Variants in KCND2 observed in about 807,000 individuals in gnomAD.
KCND2 encodes the protein A-type voltage-gated potassium channel KCND2.
KCND2 carries 16 observed loss-of-function variants against 54.4 expected under a neutral mutation model. The ratio of observed to expected loss-of-function variants is 0.29; its 90% CI spans 0.20 to 0.45. KCND2 has a LOEUF of 0.45. Among genes scored for constraint, KCND2 ranks in the 20% least tolerant of loss-of-function variants. The pLI, the probability that KCND2 is intolerant of heterozygous loss-of-function variation, is 1.00. For synonymous variants in KCND2, 317 were observed against 310.7 expected (o/e 1.02, Z -0.21); for missense variants, 486 against 824.2 (o/e 0.59, Z 5.02).
At chr7:120,556,559 T>C (rs1263895867) in intron 1 of KCND2, among the ~76,000 whole-genome samples, 1 of 152,198 alleles carries the variant, frequency 6.6e-6, no homozygotes, top group East Asian at 1.9e-4. Flanking sequence ...CTTTTATCCC[T>C]ATTTCAAAGT....
intron 1 of KCND2, among the ~76,000 whole-genome samples, chr7:120,399,838 G>A (rs1434037325): frequency 2.0e-5 from 3 of 151,688 alleles, no homozygotes; most frequent in African/African-American, 7.3e-5. Flanking sequence ...CAATTCTCCT[G>A]CCTCAGCCTC....
At chr7:120,544,705 G>T (rs568609046) in intron 1 of KCND2, among the ~76,000 whole-genome samples, 1 of 151,844 alleles carries the variant, frequency 6.6e-6, no homozygotes, top group Non-Finnish European at 1.5e-5. Context: ...TTTGATCTTG[G>T]TAATAATTTC....
chr7:120,497,281 G>A (rs1386355518), intron 1 of KCND2, among the ~76,000 whole-genome samples: 2 of 152,036 alleles, frequency 1.3e-5, no homozygotes, highest in Admixed American at 6.6e-5. Context: ...TTCATTTGAT[G>A]TACATTTTAA....
chr7:120,705,332 G>T (rs1275683998), intron 1 of KCND2, among the ~76,000 whole-genome samples: 3 of 152,144 alleles, frequency 2.0e-5, no homozygotes, highest in Non-Finnish European at 4.4e-5. Flanking sequence ...TCAATATGAT[G>T]TATAAAATTC....
At chr7:120,437,734 T>C (rs1011903137) in intron 1 of KCND2, among the ~76,000 whole-genome samples, 13 of 152,208 alleles carry the variant, frequency 8.5e-5, no homozygotes, top group African/African-American at 2.7e-4. Context: ...CTGACTGATA[T>C]AGAATATATG....
At chr7:120,689,004 A>G (rs1439029460) in intron 1 of KCND2, among the ~76,000 whole-genome samples, 1 of 152,122 alleles carries the variant, frequency 6.6e-6, no homozygotes, top group Non-Finnish European at 1.5e-5. Flanking sequence ...CCACATACTC[A>G]ATTCTCTCTT....
chr7:120,409,121 A>G (rs1313739525), intron 1 of KCND2, among the ~76,000 whole-genome samples: 1 of 151,970 alleles, frequency 6.6e-6, no homozygotes, highest in Non-Finnish European at 1.5e-5. Context: ...CCAATTTGGA[A>G]AACAGAATGC....
At chr7:120,499,480 A>G (rs540511472) in intron 1 of KCND2, among the ~76,000 whole-genome samples, 1 of 152,296 alleles carries the variant, frequency 6.6e-6, no homozygotes, top group African/African-American at 2.4e-5. Context: ...GATTTCTGCA[A>G]AGTACATTAA....
At chr7:120,327,691 A>T (rs954140144) in intron 1 of KCND2, among the ~76,000 whole-genome samples, 1 of 152,060 alleles carries the variant, frequency 6.6e-6, no homozygotes, top group African/African-American at 2.4e-5. Context: ...ATGCAAACTC[A>T]GATCTTTGAA....
At chr7:120,499,827 A>G (rs1229875294) in intron 1 of KCND2, among the ~76,000 whole-genome samples, 1 of 152,060 alleles carries the variant, frequency 6.6e-6, no homozygotes, top group Non-Finnish European at 1.5e-5. Context: ...ATAGCACAAA[A>G]ATGTTTTTTT....
At chr7:120,717,506 T>C (rs1283406841) in intron 1 of KCND2, among the ~76,000 whole-genome samples, 1 of 152,102 alleles carries the variant, frequency 6.6e-6, no homozygotes, top group Non-Finnish European at 1.5e-5. Flanking sequence ...AGCAAAACAG[T>C]AGATAAGAGA....
At chr7:120,609,508 G>A (rs1330437266) in intron 1 of KCND2, among the ~76,000 whole-genome samples, 2 of 152,064 alleles carry the variant, frequency 1.3e-5, no homozygotes, top group African/African-American at 2.4e-5. Flanking sequence ...ATGTCTTGAC[G>A]TCATCCACTA....
intron 1 of KCND2, among the ~76,000 whole-genome samples, chr7:120,593,451 ATCAAAAATAAAC>A (rs1792695980): frequency 1.3e-5 from 2 of 152,132 alleles, no homozygotes; most frequent in South Asian, 4.1e-4. Flanking sequence ...ACAGAATCCT[ATCAAAAATAAAC>A]TTCCTGTCCC....
At chr7:120,529,627 A>C (rs1466625848) in intron 1 of KCND2, among the ~76,000 whole-genome samples, 1 of 152,144 alleles carries the variant, frequency 6.6e-6, no homozygotes, top group Admixed American at 6.6e-5. Context: ...TCAGTTGTTA[A>C]CTGAAGTTGA....
chr7:120,502,206 T>G (rs1277535507), intron 1 of KCND2, among the ~76,000 whole-genome samples: 2 of 152,026 alleles, frequency 1.3e-5, no homozygotes, highest in Non-Finnish European at 2.9e-5. Flanking sequence ...TTTATTTTTT[T>G]TTTCCTTCCC....
chr7:120,698,565 G>A (rs1435315869), intron 1 of KCND2, among the ~76,000 whole-genome samples: 3 of 152,154 alleles, frequency 2.0e-5, no homozygotes, highest in Non-Finnish European at 4.4e-5. Flanking sequence ...ATTACTATGA[G>A]CTATAAGCTA....
chr7:120,695,092 C>G (rs1792317335), intron 1 of KCND2, among the ~76,000 whole-genome samples: 2 of 152,076 alleles, frequency 1.3e-5, no homozygotes, highest in Admixed American at 1.3e-4. Flanking sequence ...TAGTTCTTAT[C>G]TCATTACTGA....
intron 1 of KCND2, among the ~76,000 whole-genome samples, chr7:120,573,327 C>T (rs910625174): frequency 6.6e-6 from 1 of 152,118 alleles, no homozygotes; most frequent in South Asian, 2.1e-4. Context: ...AATACATATT[C>T]AAAATAGCAG....
At position 120,671,994 on chromosome 7, in the gene KCND2, C is replaced by T. The variant is rs1024301975; in HGVS notation, c.1116-60909C>T. ...TAAATTTATCTGCATCTAAGCCTCTCATGGTCTTCCTGTCTTCAAAGAGCA... is the reference window on the plus strand; with the variant it reads ...TAAATTTATCTGCATCTAAGCCTCTTATGGTCTTCCTGTCTTCAAAGAGCA... On this transcript the variant is annotated intron_variant, in intron 1 of 5. Coordinates refer to ENST00000331113, the MANE Select transcript of KCND2 (RefSeq NM_012281.3). Among the ~76,000 whole-genome samples the T allele has an allele frequency of 2.2e-4, 34 of 152,194 alleles. 1 individual carries two copies. The highest frequency in any genetic ancestry group is 7.9e-4 in the African/African-American group (33 of 41,552).
Sources: allele counts gnomAD v4.1 joint callset (sites outside exome capture counted in the v4.1 genomes callset), GRCh38; gene constraint gnomAD v4.1.1; transcripts MANE v1.5; gene names NCBI Gene and HGNC (gene_info 2026-07-23, HGNC 2026-07-21).